Variants in EXOSC2 observed in about 807,000 individuals in gnomAD.
The protein encoded by EXOSC2 is exosome component 2, also known as exosome complex component RRP4.
EXOSC2 carries 29 observed loss-of-function variants against 37.6 expected under a neutral mutation model. That is an observed-to-expected ratio of 0.77 (90% CI 0.57 to 1.05). The LOEUF (loss-of-function observed/expected upper bound fraction) is 1.05, where lower values mean the gene tolerates loss of function less well. Among genes scored for constraint, EXOSC2 ranks in the 50% least tolerant of loss-of-function variants. The probability of loss-of-function intolerance (pLI) is 0.00; values close to 1 mark genes in which losing one functional copy is unlikely to be tolerated. For synonymous variants in EXOSC2, 119 were observed against 131.1 expected (o/e 0.91, Z 0.63); for missense variants, 346 against 365.6 (o/e 0.95, Z 0.44).
In EXOSC2 at chr9:130,693,849, C is replaced by A. The variant is rs140638723; in HGVS notation, c.58C>A (p.Arg20Ser). ...ARKPLSERLG[R>S]DTKKHLVVPG... Reference sequence around the variant, plus strand: ...CAAGCCTCTTAGCGAGAGACTGGGCCGCGACACTAAGAAACATCTAGTGGT... The same window carrying A: ...CAAGCCTCTTAGCGAGAGACTGGGCAGCGACACTAAGAAACATCTAGTGGT... The change falls in exon 1 of 9, where the codon CGC (arginine) becomes AGC (serine). Residue 20 changes from arginine (R) to serine (S), a missense_variant. Physicochemically the swap from Arg to Ser is moderately radical, Grantham distance 110. Coordinates refer to ENST00000372358, the MANE Select transcript of EXOSC2 (RefSeq NM_014285.7). The A allele has an allele frequency of 5.6e-6, 9 of 1,611,138 alleles. No individual in the cohort carries two copies. In the Admixed American group the frequency reaches 6.7e-5, roughly 12 times the overall value.
In EXOSC2 at chr9:130,698,402, T is replaced by C; in HGVS notation, c.360+151T>C. ...GTGAAGTTTGCTGCCTAGATGTGTA[T>C]GTAGACTTTTCACCCTGTCCAGGTC... On this transcript the variant is annotated intron_variant, in intron 4 of 8. Coordinates refer to ENST00000372358, the MANE Select transcript of EXOSC2 (RefSeq NM_014285.7). This position sits in a 1 kb window ranked among gnomAD's most constrained non-coding sequence, Gnocchi z 4.1. 1 of 648,184 alleles carries C rather than the reference T, an allele frequency of 1.5e-6. No homozygotes were observed. The highest frequency in any genetic ancestry group is 2.7e-6 in the Non-Finnish European group (1 of 373,608). The allele number at this position is 648,184 out of a possible 1,614,324, so 40.2% of individuals were successfully genotyped here. A position where few individuals can be genotyped will look rare whatever the true frequency, so the allele number is the denominator to read the frequency against.
At chr9:130,699,306 T>C in intron 4 of EXOSC2, 23 bp from the exon 5 acceptor site, 5 of 1,613,450 alleles carry the variant, frequency 3.1e-6, no homozygotes, top group Non-Finnish European at 4.2e-6. Flanking sequence ...GCTTAAGTAA[T>C]GTCATTTCTT....
At chr9:130,699,250 C>G in intron 4 of EXOSC2, 79 bp from the exon 5 acceptor site, 4 of 1,460,916 alleles carry the variant, frequency 2.7e-6, no homozygotes, top group South Asian at 1.1e-5. Context: ...TCAAACATCT[C>G]AAAAGGAAGT....
chr9:130,694,017 C>G lies in EXOSC2; in HGVS notation c.122+104C>G. On this transcript the variant is annotated intron_variant, in intron 1 of 8. Transcript: ENST00000372358. This position sits in a 1 kb window ranked among gnomAD's most constrained non-coding sequence, Gnocchi z 4.0. ...CTGTGTGTGTAACTCCCCGCGGGACCCAGGGCACTTCGTCTGAGCATCCTA... is the reference window on the plus strand; with the variant it reads ...CTGTGTGTGTAACTCCCCGCGGGACGCAGGGCACTTCGTCTGAGCATCCTA... The G allele has an allele frequency of 2.2e-6, 3 of 1,381,526 alleles. No homozygotes were observed. Among genetic ancestry groups the G allele is most frequent in the African/African-American group, 2.9e-5 (2 of 68,410 alleles). The allele number at this position is 1,381,526 out of a possible 1,614,324, so 85.6% of individuals were successfully genotyped here. A position where few individuals can be genotyped will look rare whatever the true frequency, so the allele number is the denominator to read the frequency against.
Position 130,698,164 on chromosome 9 carries a change from T to C in EXOSC2, c.273T>C (p.Val91=), listed in dbSNP as rs371608727. ...CAGGTGTGGAACTTGGCTTATAGGT[T>C]CAACAGAAGAGGTGGAAGGTGGAGA... ...GDIVVGRITE[V]QQKRWKVETN... The change falls in exon 4 of 9, where the codon GTT becomes GTC. Residue 91 remains valine, a splice_region_variant and synonymous_variant. Coordinates refer to ENST00000372358, the MANE Select transcript of EXOSC2 (RefSeq NM_014285.7). The surrounding 1 kb of genome is among the most constrained non-coding windows in gnomAD (Gnocchi z 4.1). 6.2e-7 allele frequency: 1 copy of C among 1,613,908 alleles called. No homozygotes were observed. Among genetic ancestry groups the C allele is most frequent in the African/African-American group, 1.3e-5 (1 of 74,864 alleles).
At chr9:130,701,648 A>T in intron 6 of EXOSC2, 1 of 983,752 alleles carries the variant, frequency 1.0e-6, no homozygotes. Flanking sequence ...CTTCCTTGGC[A>T]GGACGTGGAC....
At position 130,693,907 on chromosome 9, in the gene EXOSC2, T is replaced by G; in HGVS notation, c.116T>G (p.Phe39Cys). 6.2e-7 allele frequency: 1 copy of G among 1,606,226 alleles called. No individual in the cohort carries two copies. Among genetic ancestry groups the G allele is most frequent in the Non-Finnish European group, 8.5e-7 (1 of 1,174,464 alleles). The change falls in exon 1 of 9, where the codon TTC (phenylalanine) becomes TGC (cysteine). Residue 39 changes from phenylalanine to cysteine, a missense_variant. Phe to Cys is a radical substitution (Grantham distance 205, BLOSUM62 -2). Coordinates refer to ENST00000372358, the MANE Select transcript of EXOSC2 (RefSeq NM_014285.7). The stretch of plus-strand genomic sequence containing the variant: ...GATACAATCACTACGGACACAGGAT[T>G]CATGCGGTACGTGGGGACTTGGGGG... ...PGDTITTDTG[F>C]MRGHGTYMGE... is the part of the protein sequence containing the mutation.
At chr9:130,699,792 A>C (rs555888381) in intron 5 of EXOSC2, 2 of 176,862 alleles carry the variant, frequency 1.1e-5, no homozygotes, top group African/African-American at 4.7e-5. Context: ...GCTTGAGCCT[A>C]AGAGTTCAAG....
chr9:130,693,880 G>C lies in EXOSC2; in HGVS notation c.89G>C (p.Gly30Ala), dbSNP rs537467155. Reference protein sequence around the residue: ...RDTKKHLVVPGDTITTDTGFM... With the variant: ...RDTKKHLVVPADTITTDTGFM... Reference sequence around the variant, plus strand: ...ACTAAGAAACATCTAGTGGTGCCGGGGGATACAATCACTACGGACACAGGA... The same window carrying C: ...ACTAAGAAACATCTAGTGGTGCCGGCGGATACAATCACTACGGACACAGGA... Residue 30 changes from glycine to alanine, a missense_variant, in exon 1 of 9, where the codon GGG becomes GCG. Transcript: ENST00000372358. 6.2e-7 allele frequency: 1 copy of C among 1,612,094 alleles called. No homozygotes were observed.
chr9:130,702,589 G>GT (rs1554754899), intron 7 of EXOSC2, among the ~76,000 whole-genome samples: 1 of 151,758 alleles, frequency 6.6e-6, no homozygotes, highest in Non-Finnish European at 1.5e-5. Context: ...TTTTTTGTTT[G>GT]TTTGTTTTGT....
At chr9:130,697,136 G>A (rs997733096) in intron 2 of EXOSC2, among the ~76,000 whole-genome samples, 1 of 152,180 alleles carries the variant, frequency 6.6e-6, no homozygotes, top group African/African-American at 2.4e-5. Flanking sequence ...CGTCTCATTA[G>A]AATCGCGGGT....
At position 130,700,924 on chromosome 9, in the gene EXOSC2, A is replaced by C; in HGVS notation, c.484A>C (p.Lys162Gln). Residue 162 changes from lysine (K) to glutamine (Q), a missense_variant, in exon 6 of 9, where the codon AAA becomes CAA. Coordinates refer to ENST00000372358, the MANE Select transcript of EXOSC2 (RefSeq NM_014285.7). ...GAVSLHTRSL[K>Q]YGKLGQGVLV... is the part of the protein sequence containing the mutation. ...TGTCTCTTTGCACACGAGGAGCCTGAAATATGGAAAAGTAAGTCGGGCTCT... is the reference window on the plus strand; with the variant it reads ...TGTCTCTTTGCACACGAGGAGCCTGCAATATGGAAAAGTAAGTCGGGCTCT... 6.2e-7 allele frequency: 1 copy of C among 1,614,060 alleles called. No homozygotes were observed. Among genetic ancestry groups the C allele is most frequent in the East Asian group, 2.2e-5 (1 of 44,874 alleles).
chr9:130,703,722 T>C lies in EXOSC2; in HGVS notation c.830T>C (p.Met277Thr), dbSNP rs1310456421. ...QIKDILKPEI[M>T]EEIVMETRQR... ...AAAGACATCTTAAAGCCAGAAATAATGGAGGAGATTGTGATGGAAACACGC... is the reference window on the plus strand; with the variant it reads ...AAAGACATCTTAAAGCCAGAAATAACGGAGGAGATTGTGATGGAAACACGC... The change falls in exon 9 of 9, where the codon ATG (methionine) becomes ACG (threonine). Residue 277 changes from methionine (M) to threonine (T), a missense_variant. Met to Thr is a moderately conservative substitution (Grantham distance 81). Coordinates refer to ENST00000372358, the MANE Select transcript of EXOSC2 (RefSeq NM_014285.7). 2 of 1,613,724 alleles carry C rather than the reference T, an allele frequency of 1.2e-6. No homozygotes were observed. Among genetic ancestry groups the C allele is most frequent in the Non-Finnish European group, 1.7e-6 (2 of 1,179,846 alleles).
At position 130,702,310 on chromosome 9, in the gene EXOSC2, G is replaced by C. The variant is rs1831235297; in HGVS notation, c.672G>C (p.Glu224Asp). Residue 224 changes from glutamate to aspartate, a missense_variant and splice_region_variant, in exon 7 of 9, where the codon GAG becomes GAC. By Grantham distance (45) the Glu-to-Asp change is conservative. Coordinates refer to ENST00000372358, the MANE Select transcript of EXOSC2 (RefSeq NM_014285.7). The stretch of plus-strand genomic sequence containing the variant: ...CAGGGGGCTTCATTGCAAACCTGGA[G>C]GTGAGCAAACACTGTGGCCATTTTC... Reference protein sequence around the residue: ...EEAGGFIANLEPVSLADREVI... With the variant: ...EEAGGFIANLDPVSLADREVI... 6.2e-7 allele frequency: 1 copy of C among 1,613,088 alleles called. No homozygotes were observed. The highest frequency in any genetic ancestry group is 1.3e-5 in the African/African-American group (1 of 74,872).
Position 130,698,348 on chromosome 9 carries a change from G to A in EXOSC2, c.360+97G>A, listed in dbSNP as rs546648044. 8.9e-7 allele frequency: 1 copy of A among 1,118,106 alleles called. No homozygotes were observed. Among genetic ancestry groups the A allele is most frequent in the South Asian group, 1.3e-5 (1 of 75,572 alleles). The allele number at this position is 1,118,106 out of a possible 1,614,324, so 69.3% of individuals were successfully genotyped here. On this transcript the variant is annotated intron_variant, in intron 4 of 8. Coordinates refer to ENST00000372358, the MANE Select transcript of EXOSC2 (RefSeq NM_014285.7). This position sits in a 1 kb window ranked among gnomAD's most constrained non-coding sequence, Gnocchi z 4.1. The stretch of plus-strand genomic sequence containing the variant: ...CCAGAGGACTTTGATTTACACTGAG[G>A]TTGCCCCTTTGACTCCTGTTTGTCT...
At chr9:130,702,769 A>G (rs1303707906) in intron 7 of EXOSC2, among the ~76,000 whole-genome samples, 1 of 151,834 alleles carries the variant, frequency 6.6e-6, no homozygotes, top group Admixed American at 6.6e-5. Context: ...TAATTTATCT[A>G]TTTTTAGTAG....
At chr9:130,697,439 C>G (rs1831120124) in intron 2 of EXOSC2, 143 bp from the exon 3 acceptor site, 1 of 742,084 alleles carries the variant, frequency 1.3e-6, no homozygotes, top group Non-Finnish European at 2.4e-6. Flanking sequence ...GAAAGTAAGT[C>G]CAGACAATAT....
intron 5 of EXOSC2, 98 bp from the exon 6 acceptor site, chr9:130,700,769 G>A: frequency 1.9e-6 from 2 of 1,029,318 alleles, no homozygotes; most frequent in Non-Finnish European, 3.0e-6. Context: ...TTGGAGAGGG[G>A]AGGAAAAGAT....
chr9:130,699,256 G>A, intron 4 of EXOSC2, 73 bp from the exon 5 acceptor site: 1 of 1,468,954 alleles, frequency 6.8e-7, no homozygotes, highest in Admixed American at 1.7e-5. Flanking sequence ...ATCTCAAAAG[G>A]AAGTGAAAGA....
Sources: gnomAD v4.1 joint callset for allele counts (sites outside exome capture counted in the v4.1 genomes callset) on GRCh38, gnomAD v4.1.1 for gene constraint, Gnocchi (gnomAD v3.1) non-coding constraint, MANE v1.5 for transcripts, NCBI Gene and HGNC (gene_info 2026-07-23, HGNC 2026-07-21) for gene names.